Variants in SNX29 observed in about 807,000 individuals in gnomAD.
The protein encoded by SNX29 is sorting nexin-29.
A neutral mutation model predicts 102.1 loss-of-function variants in SNX29; 78 were observed. That is an observed-to-expected ratio of 0.76 (90% confidence interval 0.64 to 0.92). The LOEUF is 0.92. SNX29 is among the 40% of genes least tolerant of loss of function. SNX29 has a pLI of 0.00. For missense variants in SNX29, 1,280 were observed against 1,061.7 expected (o/e 1.21, Z -2.86); for synonymous variants, 580 against 414.5 (o/e 1.40, Z -4.85).
intron 11 of SNX29, among the ~76,000 whole-genome samples, chr16:12,100,492 A>C (rs1378454450): frequency 6.6e-6 from 1 of 152,120 alleles, no homozygotes; most frequent in East Asian, 1.9e-4. Context: ...TCTACGGTAA[A>C]GTAAAGATGG....
rs924169259 is a variant in SNX29, at chr16:12,573,575, A to C, written c.*4946A>C. 4.5e-6 allele frequency: 1 copy of C among 223,254 alleles called. No individual in the cohort carries two copies. Among genetic ancestry groups the C allele is most frequent in the African/African-American group, 2.2e-5 (1 of 44,800 alleles). 13.8% of individuals were successfully genotyped at this position (223,254 alleles called of 1,614,324 possible). On this transcript the variant is annotated 3_prime_UTR_variant, in exon 21 of 21. Transcript: ENST00000566228. ...ATCCTAACCGGAAAACCACTCACCC[A>C]GGCTTCCCCCACTTCCCCTCAAATT...
chr16:12,449,306 G>A (rs1037787868), intron 18 of SNX29, among the ~76,000 whole-genome samples: 3 of 151,898 alleles, frequency 2.0e-5, no homozygotes, highest in African/African-American at 7.2e-5. Context: ...AAGATAAGTA[G>A]AACTTAGCCA....
At chr16:12,543,957 T>C (rs1179506057) in intron 20 of SNX29, among the ~76,000 whole-genome samples, 1 of 152,220 alleles carries the variant, frequency 6.6e-6, no homozygotes, top group Non-Finnish European at 1.5e-5. Context: ...GGAGCCTATC[T>C]GCTGGGAGAA....
chr16:12,342,267 C>T (rs2081631793), intron 15 of SNX29, among the ~76,000 whole-genome samples: 1 of 152,230 alleles, frequency 6.6e-6, no homozygotes, highest in Non-Finnish European at 1.5e-5. Flanking sequence ...ATGTCTGCTG[C>T]ATGCCTCCTG....
intron 18 of SNX29, among the ~76,000 whole-genome samples, chr16:12,456,089 G>C (rs1016452509): frequency 6.6e-6 from 1 of 152,188 alleles, no homozygotes; most frequent in African/African-American, 2.4e-5. Flanking sequence ...TTCATTCATA[G>C]TATTGAATAT....
At chr16:12,265,366 G>A (rs1329881723) in intron 14 of SNX29, among the ~76,000 whole-genome samples, 1 of 152,098 alleles carries the variant, frequency 6.6e-6, no homozygotes, top group Non-Finnish European at 1.5e-5. Flanking sequence ...TGTGATAACA[G>A]CTTTGATTTT....
intron 19 of SNX29, among the ~76,000 whole-genome samples, chr16:12,491,015 T>C (rs1244868743): frequency 2.0e-5 from 3 of 152,246 alleles, no homozygotes; most frequent in Non-Finnish European, 2.9e-5. Flanking sequence ...ATGATACTTA[T>C]TCTTTATGTA....
intron 16 of SNX29, among the ~76,000 whole-genome samples, chr16:12,364,182 T>TGTTATGTTAC (rs1491166617): frequency 4.7e-5 from 7 of 150,486 alleles, no homozygotes; most frequent in Non-Finnish European, 7.4e-5. Flanking sequence ...TGTTATGTTA[T>TGTTATGTTAC]GTTATGTTAT....
At chr16:12,493,361 C>T (rs1349197602) in intron 19 of SNX29, among the ~76,000 whole-genome samples, 1 of 152,152 alleles carries the variant, frequency 6.6e-6, no homozygotes, top group Non-Finnish European at 1.5e-5. Flanking sequence ...TATAAGAATG[C>T]TTGTGATTTT....
rs1598141087 is a variant in SNX29 at position 12,571,753 on chromosome 16, A to C, written c.*3124A>C. The stretch of plus-strand genomic sequence containing the variant: ...TGCTAGAAACCTAGCCCAACCATCC[A>C]CTCCTGATCTGAGACAGAACCTTCT... On this transcript the variant is annotated 3_prime_UTR_variant, in exon 21 of 21. Transcript: ENST00000566228. 9.8e-7 allele frequency: 1 copy of C among 1,015,928 alleles called. No homozygotes were observed. The highest frequency in any genetic ancestry group is 1.2e-6 in the Non-Finnish European group (1 of 835,562). The allele number at this position is 1,015,928 out of a possible 1,614,324, so 62.9% of individuals were successfully genotyped here. A position where few individuals can be genotyped will look rare whatever the true frequency, so the allele number is the denominator to read the frequency against.
intron 13 of SNX29, among the ~76,000 whole-genome samples, chr16:12,136,157 G>T (rs950437665): frequency 1.3e-5 from 2 of 152,258 alleles, no homozygotes; most frequent in Non-Finnish European, 2.9e-5. Context: ...CATGTTGTCA[G>T]TGGTATGGCC....
intron 11 of SNX29, among the ~76,000 whole-genome samples, chr16:12,083,606 A>G (rs1305980609): frequency 6.6e-6 from 1 of 152,162 alleles, no homozygotes; most frequent in African/African-American, 2.4e-5. Flanking sequence ...TAGGTCTTCC[A>G]CTGGTTCATT....
chr16:12,145,764 G>A (rs768440872), intron 13 of SNX29, among the ~76,000 whole-genome samples: 1 of 152,162 alleles, frequency 6.6e-6, no homozygotes, highest in Non-Finnish European at 1.5e-5. Flanking sequence ...ATGTTATTCA[G>A]TTCCATGGAT....
intron 6 of SNX29, 40 bp from the exon 7 acceptor site, chr16:12,048,332 C>T (rs1375306758): frequency 6.2e-7 from 1 of 1,613,502 alleles, no homozygotes; most frequent in Admixed American, 1.7e-5. Flanking sequence ...TATGACTGCC[C>T]ATCAGCAAGC....
chr16:12,334,038 A>G (rs926666587), intron 15 of SNX29, among the ~76,000 whole-genome samples: 2 of 152,136 alleles, frequency 1.3e-5, no homozygotes, highest in Non-Finnish European at 2.9e-5. Context: ...TTTAATTTTT[A>G]GACGGCCTTG....
intron 20 of SNX29, among the ~76,000 whole-genome samples, chr16:12,536,236 TTC>T (rs1179671725): frequency 6.6e-6 from 1 of 152,144 alleles, no homozygotes; most frequent in Non-Finnish European, 1.5e-5. Flanking sequence ...TCATGTTTTT[TTC>T]TTTTTTATGC....
chr16:12,046,454 G>C lies in SNX29; in HGVS notation c.499G>C (p.Gly167Arg), dbSNP rs781246732. ...CAGTATGCTTCCTACCATGGCAGCAGGTAAGCCTGGCCCAGACCAGGGTGC... is the reference window on the plus strand; with the variant it reads ...CAGTATGCTTCCTACCATGGCAGCACGTAAGCCTGGCCCAGACCAGGGTGC... ...RSSMLPTMAA[G>R]LNSILFAINI... is the part of the protein sequence containing the mutation. The change falls in exon 6 of 21, where the codon GGT becomes CGT. Residue 167 changes from glycine to arginine, a missense_variant and splice_region_variant. By Grantham distance (125) the Gly-to-Arg change is moderately radical (BLOSUM62 -2). Transcript: ENST00000566228. 1.2e-6 allele frequency: 2 copies of C among 1,613,788 alleles called. No individual in the cohort carries two copies. The highest frequency in any genetic ancestry group is 2.2e-5 in the South Asian group (2 of 91,056).
intron 11 of SNX29, among the ~76,000 whole-genome samples, chr16:12,123,509 A>T (rs2054069924): frequency 6.6e-6 from 1 of 152,176 alleles, no homozygotes; most frequent in African/African-American, 2.4e-5. Context: ...ATACATATAC[A>T]TCATATACAT....
At chr16:12,093,276 TG>T (rs894617962) in intron 11 of SNX29, among the ~76,000 whole-genome samples, 2 of 152,176 alleles carry the variant, frequency 1.3e-5, no homozygotes, top group Admixed American at 1.3e-4. Context: ...TGTGTTGGGA[TG>T]GAAAGAACAT....
Sources: allele counts gnomAD v4.1 joint callset (sites outside exome capture counted in the v4.1 genomes callset), GRCh38; gene constraint gnomAD v4.1.1; transcripts MANE v1.5; gene names NCBI Gene and HGNC (gene_info 2026-07-23, HGNC 2026-07-21).